Variants in MYH14 observed in about 807,000 individuals in gnomAD.
The protein encoded by MYH14 is myosin heavy chain 14.
Under a neutral mutation model 255.5 loss-of-function variants are expected in MYH14, and 123 were observed. The ratio of observed to expected loss-of-function variants is 0.48; its 90% CI spans 0.42 to 0.56. The LOEUF (loss-of-function observed/expected upper bound fraction) is 0.56, where lower values mean the gene tolerates loss of function less well. MYH14 is among the 20% of genes least tolerant of loss of function. MYH14 has a pLI of 0.00. For missense variants in MYH14, 2,423 were observed against 2,802.3 expected, an observed-to-expected ratio of 0.86 and a Z score of 3.06; for synonymous variants, 1,095 against 1,161.2, an observed-to-expected ratio of 0.94 and a Z score of 1.16.
At chr19:50,220,358 T>C (rs2032753033) in intron 3 of MYH14, among the ~76,000 whole-genome samples, 2 of 42,550 alleles carry the variant, frequency 4.7e-5, no homozygotes, top group Admixed American at 5.6e-4. Context: ...TATTTTATTT[T>C]ATTATACTTT....
intron 10 of MYH14, among the ~76,000 whole-genome samples, chr19:50,241,933 G>A (rs530330887): frequency 1.2e-4 from 18 of 152,282 alleles, no homozygotes; most frequent in Admixed American, 7.2e-4. Flanking sequence ...GCGTGAGCCC[G>A]TACCACCACC....
intron 39 of MYH14, among the ~76,000 whole-genome samples, chr19:50,296,444 CA>C (rs111989091): frequency 0.15 from 21,802 of 146,758 alleles, 2,815 homozygotes; most frequent in African/African-American, 0.35. Flanking sequence ...CCCGTCTCTA[CA>C]AAAAAAAAAA....
chr19:50,267,054 G>T (rs964645312), intron 23 of MYH14, 46 bp downstream of exon 23: 9 of 1,500,862 alleles, frequency 6.0e-6, no homozygotes, highest in Non-Finnish European at 8.0e-6. Flanking sequence ...TCGGGGTGGG[G>T]CTGTGTCGCA....
intron 33 of MYH14, among the ~76,000 whole-genome samples, chr19:50,282,846 T>A (rs1357281133): frequency 6.6e-6 from 1 of 152,206 alleles, no homozygotes; most frequent in Non-Finnish European, 1.5e-5. Flanking sequence ...CAGCTGTGGG[T>A]TTTTTGTATT....
intron 26 of MYH14, 51 bp downstream of exon 26, chr19:50,272,023 C>A: frequency 2.5e-6 from 4 of 1,583,696 alleles, no homozygotes; most frequent in Non-Finnish European, 2.6e-6. Context: ...AATGGGGGAC[C>A]TCAGGCAAGC....
chr19:50,303,082 A>G (rs1310327471), intron 40 of MYH14, among the ~76,000 whole-genome samples: 3 of 152,170 alleles, frequency 2.0e-5, no homozygotes, highest in African/African-American at 4.8e-5. Flanking sequence ...CTGAATTACA[A>G]ACTACTCTGA....
Position 50,290,909 on chromosome 19 carries a change from G to A in MYH14, c.4988G>A (p.Arg1663Gln), listed in dbSNP as rs773412410. 60 of 1,568,892 alleles carry A rather than the reference G, an allele frequency of 3.8e-5. No homozygotes were observed. In the South Asian group the frequency reaches 4.3e-4, roughly 11 times the overall value. The stretch of plus-strand genomic sequence containing the variant: ...CAGCTGAGAGATGCAGAGGTGGAGC[G>A]GGATGAGGAGCGGAAGCAGCGCACT... ...AKQLRDAEVERDEERKQRTLA... is the reference protein window; with the variant it reads ...AKQLRDAEVEQDEERKQRTLA... Residue 1663 changes from arginine to glutamine, a missense_variant, in exon 36 of 43, where the codon CGG (arginine) becomes CAG (glutamine). This residue lies in a region of MYH14 where 1,513 missense variants were observed against 1,674.8 expected (regional missense o/e 0.90). Transcript: ENST00000642316.
chr19:50,221,392 G>T lies in MYH14; in HGVS notation c.563-1691G>T, dbSNP rs1311105954. 6.6e-6 allele frequency among the ~76,000 whole-genome samples: 1 copy of T among 152,122 alleles called. No homozygotes were observed. Among genetic ancestry groups the T allele is most frequent in the African/African-American group, 2.4e-5 (1 of 41,412 alleles). The stretch of plus-strand genomic sequence containing the variant: ...CAAGTCTGAGGTCCTACTGGACGCA[G>T]CTTACTCCCTGGCTTGAAGACACCC... On this transcript the variant is annotated intron_variant, in intron 3 of 42. Coordinates refer to ENST00000642316, the MANE Select transcript of MYH14 (RefSeq NM_001145809.2). The surrounding 1 kb of genome is among the most constrained non-coding windows in gnomAD (Gnocchi z 5.3).
rs142637785 is a variant in MYH14, at chr19:50,224,550, T to G, written c.717+373T>G. Among the ~76,000 whole-genome samples the G allele has an allele frequency of 4.8e-3, 725 of 152,338 alleles. 5 individuals are homozygous for G. Among genetic ancestry groups the G allele is most frequent in the African/African-American group, 0.017 (692 of 41,582 alleles). ...CCTTCACTTTGTGTATCTTTTCATT[T>G]GACAAAGCATCCACCTAGCTAGATC... On this transcript the variant is annotated intron_variant, in intron 6 of 42. Transcript: ENST00000642316.
chr19:50,225,564 A>G, intron 6 of MYH14, 21 bp from the exon 7 acceptor site: 1 of 1,606,838 alleles, frequency 6.2e-7, no homozygotes, highest in Non-Finnish European at 8.5e-7. Flanking sequence ...GACCTCATGC[A>G]TCATCTCCTG....
chr19:50,271,640 C>G (rs757981076), intron 25 of MYH14, 94 bp downstream of exon 25: 8 of 1,503,042 alleles, frequency 5.3e-6, no homozygotes, highest in Non-Finnish European at 3.6e-6. Context: ...TACCACACTG[C>G]GGTTCTCAGG....
At chr19:50,284,102 A>AC (rs397767848) in intron 33 of MYH14, among the ~76,000 whole-genome samples, 4 of 151,488 alleles carry the variant, frequency 2.6e-5, no homozygotes, top group South Asian at 2.1e-4. Context: ...CAAAAAAAAA[A>AC]CAAAAAAAAA....
At chr19:50,237,069 G>A (rs10416769) in intron 10 of MYH14, among the ~76,000 whole-genome samples, 70,142 of 151,958 alleles carry the variant, frequency 0.46, 16,639 homozygotes, top group East Asian at 0.58. Flanking sequence ...GTGACTGGCT[G>A]CTTTCTCTTG....
chr19:50,227,029 T>C, intron 8 of MYH14, 63 bp downstream of exon 8: 1 of 1,540,266 alleles, frequency 6.5e-7, no homozygotes, highest in Non-Finnish European at 9.0e-7. Flanking sequence ...CAGCACTGAG[T>C]ATGGAAAGCA....
At chr19:50,205,525 C>G (rs1265542756) in intron 1 of MYH14, 1 of 152,320 alleles carries the variant, frequency 6.6e-6, no homozygotes, top group African/African-American at 2.4e-5. Context: ...CGCCCTCACC[C>G]CATCTCCCCG....
intron 1 of MYH14, among the ~76,000 whole-genome samples, chr19:50,210,062 C>CACT (rs1298258985): frequency 1.7e-5 from 2 of 116,642 alleles, no homozygotes; most frequent in African/African-American, 3.2e-5. Flanking sequence ...CACGCCATTG[C>CACT]ACTCCAGCCT....
At chr19:50,307,423 C>T (rs1191132095) in intron 41 of MYH14, among the ~76,000 whole-genome samples, 2 of 152,184 alleles carry the variant, frequency 1.3e-5, no homozygotes, top group Non-Finnish European at 2.9e-5. Flanking sequence ...TTAAACCCTA[C>T]CCAGAAGCTA....
rs1490887418 is a variant in MYH14 at position 50,309,911 on chromosome 19, C to T, written c.*121C>T. The T allele has an allele frequency of 9.2e-7, 1 of 1,083,566 alleles. No homozygotes were observed. Among genetic ancestry groups the T allele is most frequent in the Admixed American group, 2.0e-5 (1 of 48,868 alleles). The allele number at this position is 1,083,566 out of a possible 1,614,324, so 67.1% of individuals were successfully genotyped here. A position where few individuals can be genotyped will look rare whatever the true frequency, so the allele number is the denominator to read the frequency against. Reference sequence around the variant, plus strand: ...TTCTTGCCCTTTGGAAATGGTGCAGCACTCTGGCATTTATCACCCCCACCT... The same window carrying T: ...TTCTTGCCCTTTGGAAATGGTGCAGTACTCTGGCATTTATCACCCCCACCT... On this transcript the variant is annotated 3_prime_UTR_variant, in exon 43 of 43. Transcript: ENST00000642316.
At chr19:50,257,546 C>T in intron 18 of MYH14, 60 bp downstream of exon 18, 4 of 1,487,954 alleles carry the variant, frequency 2.7e-6, no homozygotes, top group Non-Finnish European at 3.7e-6. Context: ...GGTTTGGCCT[C>T]TGGACTTGGC....
Sources: gnomAD v4.1 joint callset for allele counts (sites outside exome capture counted in the v4.1 genomes callset) on GRCh38, gnomAD v4.1.1 for gene constraint, gnomAD v4.1.1 regional missense constraint, Gnocchi (gnomAD v3.1) non-coding constraint, MANE v1.5 for transcripts, NCBI Gene and HGNC (gene_info 2026-07-23, HGNC 2026-07-21) for gene names.